PCNX2: variants seen among roughly 807,000 people sequenced by gnomAD.
PCNX2 encodes pecanex-like protein 2.
In PCNX2, 168 loss-of-function variants were observed where a neutral mutation model predicts 223.8. The observed-to-expected ratio is 0.75, with a 90% CI of 0.66 to 0.85. The LOEUF is 0.85. Among genes scored for constraint, PCNX2 ranks in the 40% least tolerant of loss-of-function variants. The pLI is 0.00. For missense variants in PCNX2, 2,507 were observed against 2,675.5 expected, an observed-to-expected ratio of 0.94 and a Z score of 1.39; for synonymous variants, 1,006 against 1,052.6, an observed-to-expected ratio of 0.96 and a Z score of 0.86.
intron 23 of PCNX2, among the ~76,000 whole-genome samples, chr1:233,070,971 G>T (rs1290142111): frequency 2.0e-5 from 3 of 152,148 alleles, no homozygotes; most frequent in African/African-American, 7.2e-5. Flanking sequence ...GGGAGGCGGA[G>T]CTTGCAGTGA....
chr1:232,998,317 C>G lies in PCNX2; in HGVS notation c.5725G>C (p.Ala1909Pro). The change falls in exon 32 of 34, where the codon GCA becomes CCA. Residue 1909 changes from alanine (A) to proline (P), a missense_variant. Around this residue, in one of 3 missense-constraint regions of PCNX2, gnomAD observed 1,372 missense variants for 1,509.4 expected, o/e 0.91. Coordinates refer to ENST00000258229, the MANE Select transcript of PCNX2 (RefSeq NM_014801.4). ...APSGGSQESSAEQPRKGGAQH... is the reference protein window; with the variant it reads ...APSGGSQESSPEQPRKGGAQH... ...GCACCGCCTTTTCTGGGCTGTTCTG[C>G]GCTGCTCTCCTGGCTGCCACCACTC... The G allele has an allele frequency of 6.2e-7, 1 of 1,612,946 alleles. No individual in the cohort carries two copies.
At chr1:233,225,341 TC>T (rs1657644744) in intron 10 of PCNX2, among the ~76,000 whole-genome samples, 1 of 152,108 alleles carries the variant, frequency 6.6e-6, no homozygotes, top group Admixed American at 6.6e-5. Context: ...CTTTACAACC[TC>T]CCTGTGTATA....
At chr1:233,262,249 T>G in intron 2 of PCNX2, 84 bp from the exon 3 acceptor site, 2 of 1,533,038 alleles carry the variant, frequency 1.3e-6, no homozygotes, top group Non-Finnish European at 8.8e-7. Context: ...CTAAAAACTT[T>G]TTTTCCTAGA....
chr1:233,273,315 G>A (rs1394138983), intron 1 of PCNX2, among the ~76,000 whole-genome samples: 1 of 151,928 alleles, frequency 6.6e-6, no homozygotes, highest in Non-Finnish European at 1.5e-5. Flanking sequence ...AGAAGCTGCA[G>A]TGCTGTGTGA....
the PCNX2 span, among the ~76,000 whole-genome samples, chr1:233,305,826 G>C: frequency 6.6e-6 from 1 of 152,124 alleles, no homozygotes; most frequent in African/African-American, 2.4e-5. Context: ...TAACAATAGA[G>C]GAGGCAGTAA....
chr1:233,120,749 T>C (rs1675734381), intron 21 of PCNX2, among the ~76,000 whole-genome samples: 1 of 152,206 alleles, frequency 6.6e-6, no homozygotes, highest in South Asian at 2.1e-4. Context: ...ACAAACATGA[T>C]AGACATTAAT....
chr1:233,038,142 A>C (rs1403914598), intron 25 of PCNX2, among the ~76,000 whole-genome samples: 2 of 152,188 alleles, frequency 1.3e-5, no homozygotes, highest in East Asian at 3.8e-4. Flanking sequence ...AAGTTTCCTG[A>C]ATTTATTTAT....
chr1:233,188,310 G>A (rs1021597863), intron 15 of PCNX2, among the ~76,000 whole-genome samples: 1 of 152,144 alleles, frequency 6.6e-6, no homozygotes, highest in Admixed American at 6.5e-5. Flanking sequence ...ACTGGGACCT[G>A]TTCTAGCTCC....
At chr1:233,317,538 A>C in the PCNX2 span, among the ~76,000 whole-genome samples, 4 of 152,302 alleles carry the variant, frequency 2.6e-5, no homozygotes, top group African/African-American at 9.6e-5. Context: ...ATGTTTTTAG[A>C]TGTGATATAC....
chr1:232,984,752 AT>A, intron 33 of PCNX2: 2 of 359,448 alleles, frequency 5.6e-6, no homozygotes, highest in Non-Finnish European at 1.0e-5. Flanking sequence ...GGGAAGGGGC[AT>A]TTGTGCGCCT....
Position 232,986,521 on chromosome 1 carries a change from GCTCCTGCCTTTC to G in PCNX2, c.5799_5810del (p.Arg1933_Arg1936del). 9.1e-6 allele frequency: 14 copies of G among 1,534,370 alleles called. No homozygotes were observed. The Admixed American group carries it at 2.3e-4, about 25-fold the overall frequency. On this transcript the variant is annotated inframe_deletion, in exon 33 of 34. Transcript: ENST00000258229. Reference sequence around the variant, plus strand: ...GCGCTGAGTGTGCCTGCACGGACTGGCTCCTGCCTTTCCTCCTGCCTTTAAAAGAAAGCAGAA... The same window carrying G: ...GCGCTGAGTGTGCCTGCACGGACTGGCTCCTGCCTTTAAAAGAAAGCAGAA...
chr1:233,013,425 C>T (rs1670541522), intron 28 of PCNX2, among the ~76,000 whole-genome samples: 1 of 152,144 alleles, frequency 6.6e-6, no homozygotes, highest in South Asian at 2.1e-4. Context: ...AACTTGCCAC[C>T]AGTGTAGACT....
At chr1:233,129,307 C>G (rs114641409) in intron 21 of PCNX2, among the ~76,000 whole-genome samples, 34 of 152,212 alleles carry the variant, frequency 2.2e-4, no homozygotes, top group Non-Finnish European at 4.1e-4. Context: ...ACCGGTGCTG[C>G]CCTCGATTTC....
At chr1:233,134,826 A>G (rs1310757138) in intron 21 of PCNX2, 187 bp downstream of exon 21, 1 of 590,900 alleles carries the variant, frequency 1.7e-6, no homozygotes, top group South Asian at 2.3e-5. Flanking sequence ...AGCAAATAAC[A>G]TGGCATACTT....
chr1:233,276,307 G>A (rs749602818), intron 1 of PCNX2, among the ~76,000 whole-genome samples: 6 of 152,130 alleles, frequency 3.9e-5, no homozygotes, highest in East Asian at 3.9e-4. Flanking sequence ...GGTGGTTGCC[G>A]GGGGCTTGGG....
chr1:233,326,407 T>C, the PCNX2 span, among the ~76,000 whole-genome samples: 13 of 152,344 alleles, frequency 8.5e-5, no homozygotes, highest in Admixed American at 8.5e-4. Context: ...TTAAAAAACA[T>C]TTTTGACCAG....
Position 233,057,286 on chromosome 1 carries a change from T to A in PCNX2, c.4081A>T (p.Arg1361Trp), listed in dbSNP as rs536104345. 5.0e-6 allele frequency: 8 copies of A among 1,609,022 alleles called. No individual in the cohort carries two copies. The South Asian group carries it at 8.9e-5, about 18-fold the overall frequency. ...VKFWEKNYNT[R>W]RVDNSNTRLA... is the part of the protein sequence containing the mutation. ...CTTGTGTTGGAATTATCCACTCGCC[T>A]TGTACTAGAAGAGGCCACAAAAGGG... The change falls in exon 24 of 34, where the codon AGG becomes TGG. Residue 1361 changes from arginine to tryptophan, a missense_variant. Coordinates refer to ENST00000258229, the MANE Select transcript of PCNX2 (RefSeq NM_014801.4).
chr1:233,007,907 G>A (rs1670342009), intron 28 of PCNX2, among the ~76,000 whole-genome samples: 1 of 151,898 alleles, frequency 6.6e-6, no homozygotes, highest in African/African-American at 2.4e-5. Flanking sequence ...TCGAACTCCT[G>A]ACCTCAAGAG....
At chr1:233,038,776 G>A (rs917182855) in intron 25 of PCNX2, among the ~76,000 whole-genome samples, 1 of 152,206 alleles carries the variant, frequency 6.6e-6, no homozygotes, top group Non-Finnish European at 1.5e-5. Flanking sequence ...TATGATAAAG[G>A]TTTGGGTTGG....
Sources: gnomAD v4.1 joint callset for allele counts (sites outside exome capture counted in the v4.1 genomes callset) on GRCh38, gnomAD v4.1.1 for gene constraint, gnomAD v4.1.1 regional missense constraint, MANE v1.5 for transcripts, NCBI Gene and HGNC (gene_info 2026-07-23, HGNC 2026-07-21) for gene names.